CCDC144A: variants seen among roughly 807,000 people sequenced by gnomAD.
CCDC144A encodes the protein coiled-coil domain-containing protein 144A.
CCDC144A carries 41 observed loss-of-function variants against 143.8 expected under a neutral mutation model. That is an observed-to-expected ratio of 0.29 (90% confidence interval 0.22 to 0.37). The LOEUF (loss-of-function observed/expected upper bound fraction) is 0.37, where lower values mean the gene tolerates loss of function less well. Among genes scored for constraint, CCDC144A ranks in the 10% least tolerant of loss-of-function variants. CCDC144A has a pLI of 1.00. For missense variants in CCDC144A, 637 were observed against 1,488.8 expected, an observed-to-expected ratio of 0.43 and a Z score of 9.41; for synonymous variants, 242 against 517.9, an observed-to-expected ratio of 0.47 and a Z score of 7.23.
chr17:16,680,711 C>CA, the CCDC144A span, among the ~76,000 whole-genome samples: 27 of 145,944 alleles, frequency 1.9e-4, no homozygotes, highest in East Asian at 6.0e-4. Flanking sequence ...GGAAATAAAA[C>CA]AAAAAAAAAA....
chr17:16,702,022 G>A lies in CCDC144A; in HGVS notation c.416-3129G>A, dbSNP rs371053697. 4.6e-4 allele frequency among the ~76,000 whole-genome samples: 70 copies of A among 152,136 alleles called. 1 individual carries two copies. In the South Asian group the frequency reaches 0.014, roughly 31 times the overall value. On this transcript the variant is annotated intron_variant, in intron 2 of 16. Transcript: ENST00000399273. ...TCCTCTCTGGTTCTCTTCCTTTTAG[G>A]GATGAGCTTGAAAACAGTCTATATT...
the CCDC144A span, among the ~76,000 whole-genome samples, chr17:16,673,990 C>T: frequency 2.6e-5 from 4 of 151,842 alleles, no homozygotes; most frequent in African/African-American, 4.8e-5. Flanking sequence ...TTTTTTTTAA[C>T]GTTAGAAGAA....
rs905069442 is a variant in CCDC144A, at chr17:16,721,328, C to G, written c.1891+670C>G. ...AGTCTCTTCTTGTCCCTTTGTCTTT[C>G]TTTATTAAGAAACTGCTAAATTGTT... On this transcript the variant is annotated intron_variant, in intron 8 of 16. Coordinates refer to ENST00000399273, the MANE Select transcript of CCDC144A (RefSeq NM_001382000.1). Among the ~76,000 whole-genome samples, 223 of 151,860 alleles carry G rather than the reference C, an allele frequency of 1.5e-3. 1 individual carries two copies. The highest frequency in any genetic ancestry group is 5.1e-3 in the African/African-American group (212 of 41,454).
At chr17:16,712,184 T>C in intron 6 of CCDC144A, 1 of 206,472 alleles carries the variant, frequency 4.8e-6, no homozygotes. Context: ...ACATGTGCTA[T>C]GAAATGAATC....
chr17:16,719,184 G>A (rs947759882), intron 6 of CCDC144A, among the ~76,000 whole-genome samples: 4 of 151,700 alleles, frequency 2.6e-5, no homozygotes, highest in Admixed American at 6.6e-5. Flanking sequence ...GGATTATAAA[G>A]TTCTGAAGTA....
chr17:16,771,046 C>A (rs1368699264), intron 15 of CCDC144A, among the ~76,000 whole-genome samples: 2 of 152,154 alleles, frequency 1.3e-5, no homozygotes, highest in African/African-American at 2.4e-5. Flanking sequence ...ATATCATTAT[C>A]TTTATCACCA....
At chr17:16,756,969 G>T (rs1488096254) in intron 12 of CCDC144A, among the ~76,000 whole-genome samples, 26 of 152,266 alleles carry the variant, frequency 1.7e-4, no homozygotes, top group African/African-American at 5.5e-4. Flanking sequence ...GGCCTTGATG[G>T]TGATGGGGAG....
intron 2 of CCDC144A, among the ~76,000 whole-genome samples, chr17:16,694,541 T>C (rs1911286710): frequency 6.6e-6 from 1 of 152,044 alleles, no homozygotes; most frequent in Admixed American, 6.6e-5. Context: ...GTGATCATGA[T>C]CACAACCTGG....
At chr17:16,749,151 T>C (rs571333838) in intron 12 of CCDC144A, among the ~76,000 whole-genome samples, 1 of 152,266 alleles carries the variant, frequency 6.6e-6, no homozygotes, top group East Asian at 1.9e-4. Flanking sequence ...GGTTATTTTG[T>C]TCTTGTTTTT....
the CCDC144A span, among the ~76,000 whole-genome samples, chr17:16,676,010 A>C: frequency 6.6e-6 from 1 of 151,906 alleles, no homozygotes; most frequent in Non-Finnish European, 1.5e-5. Flanking sequence ...GGACTTCCAA[A>C]GTGCTGGGAT....
chr17:16,686,479 T>C (rs1280335078), upstream of CCDC144A, among the ~76,000 whole-genome samples: 1 of 151,922 alleles, frequency 6.6e-6, no homozygotes, highest in Non-Finnish European at 1.5e-5. Flanking sequence ...TGGGTGTGCA[T>C]ATAGAAGAGG....
intron 1 of CCDC144A, among the ~76,000 whole-genome samples, chr17:16,692,549 A>G (rs1348439265): frequency 7.1e-6 from 1 of 141,008 alleles, no homozygotes; most frequent in East Asian, 2.1e-4. Context: ...AAGCTCAAGA[A>G]CAAATTATTT....
the CCDC144A span, among the ~76,000 whole-genome samples, chr17:16,680,134 G>A: frequency 6.6e-6 from 1 of 151,880 alleles, no homozygotes; most frequent in Non-Finnish European, 1.5e-5. Flanking sequence ...TTTAGAAAAT[G>A]TTCCAACCTT....
the CCDC144A span, among the ~76,000 whole-genome samples, chr17:16,679,633 C>A: frequency 2.0e-5 from 3 of 151,908 alleles, no homozygotes; most frequent in East Asian, 5.8e-4. Context: ...TTGTTTATAT[C>A]CCCCCAAAAG....
rs368592291 is a variant in CCDC144A, at chr17:16,718,448, T to G, written c.1716-1750T>G. The stretch of plus-strand genomic sequence containing the variant: ...GTGTTTGAAAGCTCGATTCATTATC[T>G]TTTGTAGGTTTTTAGCAAACTAATT... On this transcript the variant is annotated intron_variant, in intron 6 of 16. Coordinates refer to ENST00000399273, the MANE Select transcript of CCDC144A (RefSeq NM_001382000.1). Among the ~76,000 whole-genome samples, 72 of 152,370 alleles carry G rather than the reference T, an allele frequency of 4.7e-4. No individual in the cohort carries two copies. The East Asian group carries it at 0.013, about 27-fold the overall frequency.
intron 15 of CCDC144A, chr17:16,765,892 C>A (rs1915574232): frequency 6.6e-6 from 1 of 152,224 alleles, no homozygotes; most frequent in Admixed American, 6.5e-5. Context: ...AAGCAAGATG[C>A]AAATATAATG....
intron 2 of CCDC144A, among the ~76,000 whole-genome samples, chr17:16,704,176 G>A (rs1271398319): frequency 1.3e-5 from 2 of 152,088 alleles, no homozygotes; most frequent in Non-Finnish European, 2.9e-5. Context: ...ATCTCAGGCC[G>A]GGCGCGGTGG....
At chr17:16,770,173 G>A (rs1406291094) in intron 15 of CCDC144A, among the ~76,000 whole-genome samples, 26 of 148,020 alleles carry the variant, frequency 1.8e-4, no homozygotes, top group African/African-American at 3.3e-4. Flanking sequence ...TTTTTGATGC[G>A]GAGTCTGACT....
At chr17:16,683,466 G>A in the CCDC144A span, 4 of 1,339,592 alleles carry the variant, frequency 3.0e-6, no homozygotes, top group Non-Finnish European at 4.2e-6. Flanking sequence ...TGGCGGCAGA[G>A]TCGCCTTGGC....
Sources: allele counts gnomAD v4.1 joint callset (sites outside exome capture counted in the v4.1 genomes callset), GRCh38; gene constraint gnomAD v4.1.1; transcripts MANE v1.5; gene names NCBI Gene and HGNC (gene_info 2026-07-23, HGNC 2026-07-21).